Variants in OXNAD1 observed in about 807,000 individuals in gnomAD.
OXNAD1 encodes the protein oxidoreductase NAD-binding domain-containing protein 1.
A neutral mutation model predicts 32.9 loss-of-function variants in OXNAD1; 34 were observed. The ratio of observed to expected loss-of-function variants is 1.03; its 90% CI spans 0.79 to 1.38. The LOEUF is 1.38. OXNAD1 is among the 40% of genes most tolerant of loss of function. OXNAD1 has a pLI of 0.00. For synonymous variants in OXNAD1, 134 were observed against 135.2 expected, an observed-to-expected ratio of 0.99 and a Z score of 0.06; for missense variants, 407 against 379.4, an observed-to-expected ratio of 1.07 and a Z score of -0.60.
chr3:16,339,930 T>C (rs1164623393), downstream of OXNAD1: 1 of 152,268 alleles, frequency 6.6e-6, no homozygotes. Context: ...TCAAAATTGC[T>C]GTAAATCATG....
chr3:16,332,191 A>C lies in OXNAD1; in HGVS notation c.*31-4921A>C, dbSNP rs984816965. On this transcript the variant is annotated intron_variant, in intron 9 of 9. Coordinates refer to the OXNAD1 transcript ENST00000435829. ...AAATGTATTTTTCCCCCCTTTGATA[A>C]GTTTTCTCCCCTCCCTTTTCTATCT... 3.3e-5 allele frequency among the ~76,000 whole-genome samples: 5 copies of C among 151,786 alleles called. No individual in the cohort carries two copies. In the East Asian group the frequency reaches 9.6e-4, roughly 29 times the overall value.
rs11284055 is a variant in OXNAD1 at position 16,271,209 on chromosome 3, G to GT, written c.119+146dup. The GT allele has an allele frequency of 7.1e-5, 72 of 1,018,070 alleles. No individual in the cohort carries two copies. Among genetic ancestry groups the GT allele is most frequent in the African/African-American group, 2.1e-4 (13 of 61,632 alleles). The allele number at this position is 1,018,070 out of a possible 1,614,324, so 63.1% of individuals were successfully genotyped here. A position where few individuals can be genotyped will look rare whatever the true frequency, so the allele number is the denominator to read the frequency against. The stretch of plus-strand genomic sequence containing the variant: ...TGTGCATGCTGTCAGGTTGTTAACC[G>GT]TTTTTTTTGTCTGAGATGGAGTCTT... On this transcript the variant is annotated intron_variant, in intron 3 of 8. Coordinates refer to ENST00000285083, the MANE Select transcript of OXNAD1 (RefSeq NM_138381.5). This position sits in a 1 kb window ranked among gnomAD's most constrained non-coding sequence, Gnocchi z 4.6.
chr3:16,303,002 A>G lies in OXNAD1; in HGVS notation c.784+254A>G, dbSNP rs1036401257. ...CCTTTGCATCATCACTGTAGTGTCCATACAAATAATTTATATTCCAGATTT... is the reference window on the plus strand; with the variant it reads ...CCTTTGCATCATCACTGTAGTGTCCGTACAAATAATTTATATTCCAGATTT... On this transcript the variant is annotated intron_variant, in intron 8 of 8. Transcript: ENST00000285083. The surrounding 1 kb of genome is among the most constrained non-coding windows in gnomAD (Gnocchi z 4.8). Among the ~76,000 whole-genome samples the G allele has an allele frequency of 3.3e-5, 5 of 152,260 alleles. No individual in the cohort carries two copies. Among genetic ancestry groups the G allele is most frequent in the African/African-American group, 4.8e-5 (2 of 41,460 alleles).
At chr3:16,282,843 T>TC (rs1553699996) in intron 4 of OXNAD1, among the ~76,000 whole-genome samples, 2 of 148,544 alleles carry the variant, frequency 1.3e-5, no homozygotes, top group Non-Finnish European at 3.0e-5. Flanking sequence ...TTTTTTTTTT[T>TC]CGGTGATTGA....
In OXNAD1 at chr3:16,345,788, C is replaced by CTGTCTG. The variant is rs765619275; in HGVS notation, c.*31-3385_*31-3384insCTGTGT. 0.02 allele frequency among the ~76,000 whole-genome samples: 2,597 copies of CTGTCTG among 126,814 alleles called. 29 individuals carry two copies. Among genetic ancestry groups the CTGTCTG allele is most frequent in the East Asian group, 0.03 (135 of 4,508 alleles). The allele number at this position is 126,814 out of a possible 152,430, so 83.2% of individuals were successfully genotyped here. A position where few individuals can be genotyped will look rare whatever the true frequency, so the allele number is the denominator to read the frequency against. On this transcript the variant is annotated intron_variant, in intron 9 of 9. Coordinates refer to the OXNAD1 transcript ENST00000606098. The surrounding 1 kb of genome is among the most constrained non-coding windows in gnomAD (Gnocchi z 5.2). ...TGAGCCAAAACCTTATAATAAATCT[C>CTGTCTG]TGTGTGTGTGTGTGTGTGTGTGTGT...
At position 16,284,020 on chromosome 3, in the gene OXNAD1, G is replaced by T. The variant is rs2065918858; in HGVS notation, c.184-2322G>T. ...GCATCAAGGAAAAAGGGAAGATTCT[G>T]TGGGCTATAGAAGAGCTGATTGTCT... On this transcript the variant is annotated intron_variant, in intron 4 of 8. Coordinates refer to ENST00000285083, the MANE Select transcript of OXNAD1 (RefSeq NM_138381.5). This position sits in a 1 kb window ranked among gnomAD's most constrained non-coding sequence, Gnocchi z 4.1. Among the ~76,000 whole-genome samples the T allele has an allele frequency of 6.6e-6, 1 of 152,198 alleles. No individual in the cohort carries two copies. Among genetic ancestry groups the T allele is most frequent in the South Asian group, 2.1e-4 (1 of 4,832 alleles).
In OXNAD1 at chr3:16,298,084, C is replaced by T. The variant is rs1411494434; in HGVS notation, c.432+3087C>T. Among the ~76,000 whole-genome samples the T allele has an allele frequency of 3.9e-5, 6 of 152,116 alleles. No individual in the cohort carries two copies. The highest frequency in any genetic ancestry group is 8.8e-5 in the Non-Finnish European group (6 of 68,012). On this transcript the variant is annotated intron_variant, in intron 6 of 8. Transcript: ENST00000285083. The surrounding 1 kb of genome is among the most constrained non-coding windows in gnomAD (Gnocchi z 5.1). ...GATAACCCCCAGATGCCTGTGTAGG[C>T]ATTTCCATTGTAAATGTATCCTGTC...
In OXNAD1 at chr3:16,288,203, C is replaced by A. The variant is rs116620636; in HGVS notation, c.290+1755C>A. Among the ~76,000 whole-genome samples the A allele has an allele frequency of 1.3e-5, 2 of 152,114 alleles. No homozygotes were observed. Among genetic ancestry groups the A allele is most frequent in the African/African-American group, 4.8e-5 (2 of 41,420 alleles). On this transcript the variant is annotated intron_variant, in intron 5 of 8. Coordinates refer to ENST00000285083, the MANE Select transcript of OXNAD1 (RefSeq NM_138381.5). The surrounding 1 kb of genome is among the most constrained non-coding windows in gnomAD (Gnocchi z 5.1). Reference sequence around the variant, plus strand: ...GCTTTGTGCTCTAGGCTGTCTCAGACCATCAGCTTGGTAGTAACAGCCATG... The same window carrying A: ...GCTTTGTGCTCTAGGCTGTCTCAGAACATCAGCTTGGTAGTAACAGCCATG...
In OXNAD1 at chr3:16,277,111, T is replaced by C. The variant is rs917304458; in HGVS notation, c.183+5389T>C. Among the ~76,000 whole-genome samples, 1 of 152,046 alleles carries C rather than the reference T, an allele frequency of 6.6e-6. No individual in the cohort carries two copies. Among genetic ancestry groups the C allele is most frequent in the Admixed American group, 6.5e-5 (1 of 15,272 alleles). On this transcript the variant is annotated intron_variant, in intron 4 of 8. Transcript: ENST00000285083. This position sits in a 1 kb window ranked among gnomAD's most constrained non-coding sequence, Gnocchi z 4.3. ...GGCTAACTTTTTTTTGTATTTTTAGTAGAGACGGGGTTTCACTGTGTTGGC... is the reference window on the plus strand; with the variant it reads ...GGCTAACTTTTTTTTGTATTTTTAGCAGAGACGGGGTTTCACTGTGTTGGC...
chr3:16,286,026 A>C (rs2125040731), intron 4 of OXNAD1, among the ~76,000 whole-genome samples: 1 of 152,320 alleles, frequency 6.6e-6, no homozygotes, highest in East Asian at 1.9e-4. Context: ...CTCTTCCCAG[A>C]GTGCCTAGCC....
At position 16,297,304 on chromosome 3, in the gene OXNAD1, C is replaced by T. The variant is rs1342099987; in HGVS notation, c.432+2307C>T. On this transcript the variant is annotated intron_variant, in intron 6 of 8. Coordinates refer to ENST00000285083, the MANE Select transcript of OXNAD1 (RefSeq NM_138381.5). This position sits in a 1 kb window ranked among gnomAD's most constrained non-coding sequence, Gnocchi z 4.3. ...ATATGTGGTGGGATGCCACTACGATCTAGTCTAATGTCTAAAATTAAAAAT... is the reference window on the plus strand; with the variant it reads ...ATATGTGGTGGGATGCCACTACGATTTAGTCTAATGTCTAAAATTAAAAAT... Among the ~76,000 whole-genome samples the T allele has an allele frequency of 2.6e-5, 4 of 152,260 alleles. No homozygotes were observed. In the East Asian group the frequency reaches 7.7e-4, roughly 29 times the overall value.
intron 9 of OXNAD1, among the ~76,000 whole-genome samples, chr3:16,324,383 A>T (rs1166371011): frequency 2.0e-5 from 3 of 152,158 alleles, no homozygotes; most frequent in African/African-American, 4.8e-5. Context: ...ACCAAGGCTT[A>T]TTCCTCCTAA....
chr3:16,296,062 G>A (rs2066768045), intron 6 of OXNAD1, among the ~76,000 whole-genome samples: 1 of 152,140 alleles, frequency 6.6e-6, no homozygotes, highest in Admixed American at 6.5e-5. Context: ...AAGAGGGTAT[G>A]GAAACACAGT....
chr3:16,304,694 AGATCACAG>A lies in OXNAD1; in HGVS notation c.*1135_*1142del, dbSNP rs1323975341. ...CCTGGGCCCAAGGTTGCCTGCATAG[AGATCACAG>A]GAGGGTGAAGGGAGCCTGGGAAGAA... On this transcript the variant is annotated 3_prime_UTR_variant, in exon 9 of 9. Transcript: ENST00000285083. The surrounding 1 kb of genome is among the most constrained non-coding windows in gnomAD (Gnocchi z 4.6). 1 of 152,252 alleles carries A rather than the reference AGATCACAG, an allele frequency of 6.6e-6. No individual in the cohort carries two copies. Among genetic ancestry groups the A allele is most frequent in the Non-Finnish European group, 1.5e-5 (1 of 68,070 alleles). The allele number at this position is 152,252 out of a possible 1,614,324, so 9.4% of individuals were successfully genotyped here.
rs2068051771 is a variant in OXNAD1 at position 16,312,618 on chromosome 3, T to C, written c.*30+9026T>C. On this transcript the variant is annotated intron_variant, in intron 9 of 9. Transcript: ENST00000435829. The surrounding 1 kb of genome is among the most constrained non-coding windows in gnomAD (Gnocchi z 4.7). ...CAGCTAGGAGCTCAGCTAGAGTGGG[T>C]TGCACGAGTCGTGAGTTTGGGGTCA... Among the ~76,000 whole-genome samples the C allele has an allele frequency of 6.6e-6, 1 of 152,170 alleles. No homozygotes were observed. Among genetic ancestry groups the C allele is most frequent in the Non-Finnish European group, 1.5e-5 (1 of 68,022 alleles).
At chr3:16,315,709 A>T (rs1197480789) in intron 9 of OXNAD1, 1 of 152,204 alleles carries the variant, frequency 6.6e-6, no homozygotes, top group Non-Finnish European at 1.5e-5. Flanking sequence ...GCAGCTTTCC[A>T]TGGGAACTTT....
Position 16,271,717 on chromosome 3 carries a change from C to T in OXNAD1, c.178C>T (p.Arg60Trp), listed in dbSNP as rs369133759. 56 of 1,606,536 alleles carry T rather than the reference C, an allele frequency of 3.5e-5. No homozygotes were observed. The highest frequency in any genetic ancestry group is 8.6e-5 in the Admixed American group (5 of 57,852). ...HMERTASVLR[R>W]EIVSAAKVCG... ...GGAGAGAACTGCAAGTGTCCTTCGACGGGAGGTTTGTATCTTTGGGGTATG... is the reference window on the plus strand; with the variant it reads ...GGAGAGAACTGCAAGTGTCCTTCGATGGGAGGTTTGTATCTTTGGGGTATG... Residue 60 changes from arginine (R) to tryptophan (W), a missense_variant, in exon 4 of 9, where the codon CGG (arginine) becomes TGG (tryptophan). Transcript: ENST00000285083. The surrounding 1 kb of genome is among the most constrained non-coding windows in gnomAD (Gnocchi z 4.6).
At chr3:16,318,549 A>G (rs1174974397) in intron 9 of OXNAD1, among the ~76,000 whole-genome samples, 2 of 152,232 alleles carry the variant, frequency 1.3e-5, no homozygotes, top group African/African-American at 4.8e-5. Context: ...TTTCCACGGT[A>G]GAGATCTGTT....
chr3:16,313,514 A>T (rs1193741124), intron 9 of OXNAD1: 4 of 152,182 alleles, frequency 2.6e-5, no homozygotes, highest in Admixed American at 6.5e-5. Context: ...GGTGGGCACT[A>T]ACAGTATCTG....
Sources: allele counts gnomAD v4.1 joint callset (sites outside exome capture counted in the v4.1 genomes callset), GRCh38; gene constraint gnomAD v4.1.1; non-coding constraint Gnocchi (gnomAD v3.1); transcripts MANE v1.5; gene names NCBI Gene and HGNC (gene_info 2026-07-23, HGNC 2026-07-21).